ROBO2: variants seen among roughly 807,000 people sequenced by gnomAD.
ROBO2 encodes roundabout guidance receptor 2.
In ROBO2, 53 loss-of-function variants were observed where a neutral mutation model predicts 160.8. The ratio of observed to expected loss-of-function variants is 0.33; its 90% CI spans 0.26 to 0.41. The LOEUF is 0.41. Among genes scored for constraint, ROBO2 ranks in the 10% least tolerant of loss-of-function variants. The pLI is 1.00. For missense variants in ROBO2, 1,577 were observed against 1,722.4 expected, an observed-to-expected ratio of 0.92 and a Z score of 1.49; for synonymous variants, 664 against 611.7, an observed-to-expected ratio of 1.09 and a Z score of -1.26.
chr3:77,492,759 T>C (rs900562797), intron 4 of ROBO2, among the ~76,000 whole-genome samples: 16 of 152,324 alleles, frequency 1.1e-4, no homozygotes, highest in Middle Eastern at 3.4e-3. Context: ...TGGGAAAATC[T>C]AGGTAATACA....
chr3:77,244,894 A>G (rs1289203930), intron 2 of ROBO2, among the ~76,000 whole-genome samples: 1 of 150,968 alleles, frequency 6.6e-6, no homozygotes, highest in Non-Finnish European at 1.5e-5. Context: ...AAAAAAAAGA[A>G]AAAAAGAAAG....
chr3:77,248,148 G>T (rs1325168093), intron 2 of ROBO2, among the ~76,000 whole-genome samples: 1 of 152,120 alleles, frequency 6.6e-6, no homozygotes, highest in Non-Finnish European at 1.5e-5. Context: ...TCGGAGAGGA[G>T]TCCGGTGGGG....
At chr3:76,644,451 G>A (rs962592757) in intron 2 of ROBO2, among the ~76,000 whole-genome samples, 3 of 152,054 alleles carry the variant, frequency 2.0e-5, no homozygotes, top group African/African-American at 4.8e-5. Context: ...TCTATCTTGC[G>A]CTGGGCCCTC....
At chr3:77,634,904 T>C in exon 24 of ROBO2, 1 of 1,614,110 alleles carries the variant, frequency 6.2e-7, no homozygotes, top group Non-Finnish European at 8.5e-7. Flanking sequence ...GACCTCGACC[T>C]ACCAGCCCAT....
intron 2 of ROBO2, among the ~76,000 whole-genome samples, chr3:76,399,034 T>C (rs1345398561): frequency 6.6e-6 from 1 of 151,802 alleles, no homozygotes; most frequent in Non-Finnish European, 1.5e-5. Flanking sequence ...GTAGAGTGTT[T>C]TGTTTATATA....
intron 2 of ROBO2, among the ~76,000 whole-genome samples, chr3:76,079,659 G>A (rs1010376270): frequency 1.3e-5 from 2 of 151,688 alleles, no homozygotes; most frequent in African/African-American, 4.8e-5. Flanking sequence ...AATTTCTTTT[G>A]TATTTTAGTA....
intron 2 of ROBO2, among the ~76,000 whole-genome samples, chr3:77,398,177 C>G (rs2075456404): frequency 6.6e-6 from 1 of 152,002 alleles, no homozygotes; most frequent in African/African-American, 2.4e-5. Flanking sequence ...TTTAATTGAG[C>G]TTTAGACATC....
chr3:76,478,019 T>TTTATTATTA lies in ROBO2; in HGVS notation c.109+540434_109+540442dup, dbSNP rs147308707. 1.6e-3 allele frequency among the ~76,000 whole-genome samples: 241 copies of TTTATTATTA among 148,978 alleles called. 1 individual carries two copies. The highest frequency in any genetic ancestry group is 2.7e-3 in the Non-Finnish European group (182 of 67,296). ...CAATCAGATAAGTAGCCGCTACTTC[T>TTTATTATTA]TTATTATTATTATTATTATTATTAT... On this transcript the variant is annotated intron_variant, in intron 2 of 26. Coordinates refer to the ROBO2 transcript ENST00000487694.
chr3:76,166,352 CG>C (rs2072836911), intron 2 of ROBO2, among the ~76,000 whole-genome samples: 1 of 152,116 alleles, frequency 6.6e-6, no homozygotes, highest in Non-Finnish European at 1.5e-5. Context: ...TTTCTTGAAT[CG>C]TAGGCTTTAA....
intron 2 of ROBO2, among the ~76,000 whole-genome samples, chr3:76,342,541 G>A (rs2074291188): frequency 6.6e-6 from 1 of 152,040 alleles, no homozygotes. Context: ...GCTCTGGGAG[G>A]AAATCGGCTA....
intron 2 of ROBO2, among the ~76,000 whole-genome samples, chr3:76,587,831 C>T (rs1000246441): frequency 2.6e-5 from 4 of 152,176 alleles, no homozygotes; most frequent in Admixed American, 6.5e-5. Flanking sequence ...TACTCATTCT[C>T]CCTTTCCATC....
chr3:77,621,173 C>A (rs945463540), intron 22 of ROBO2, among the ~76,000 whole-genome samples: 1 of 152,128 alleles, frequency 6.6e-6, no homozygotes, highest in Non-Finnish European at 1.5e-5. Flanking sequence ...TGCCTGTAAT[C>A]CCAGCACTTT....
intron 2 of ROBO2, among the ~76,000 whole-genome samples, chr3:77,019,572 T>C (rs747724135): frequency 4.6e-5 from 7 of 152,044 alleles, no homozygotes; most frequent in Non-Finnish European, 7.4e-5. Context: ...GGGCCTTGAA[T>C]GGAATGAAAG....
intron 2 of ROBO2, among the ~76,000 whole-genome samples, chr3:77,431,297 G>C (rs1488797659): frequency 6.6e-6 from 1 of 152,120 alleles, no homozygotes; most frequent in South Asian, 2.1e-4. Flanking sequence ...AAGATTTCAG[G>C]AATGTGTCCT....
chr3:76,049,880 G>A (rs1047612158), intron 2 of ROBO2, among the ~76,000 whole-genome samples: 4 of 151,964 alleles, frequency 2.6e-5, no homozygotes, highest in East Asian at 1.9e-4. Context: ...GCCTCCTGCC[G>A]CAGTGTATTA....
Position 76,753,432 on chromosome 3 carries a change from A to C in ROBO2, c.110-344582A>C, listed in dbSNP as rs9848529. On this transcript the variant is annotated intron_variant, in intron 2 of 26. Transcript: ENST00000487694. ...GATTCAATAATGTATGAATCCAATA[A>C]AATTATACTTTTATTTCAAACTACA... 9.1e-3 allele frequency among the ~76,000 whole-genome samples: 1,389 copies of C among 151,928 alleles called. 17 individuals carry two copies. Among genetic ancestry groups the C allele is most frequent in the African/African-American group, 0.031 (1,275 of 41,502 alleles).
chr3:77,369,376 C>T (rs891968559), intron 2 of ROBO2, among the ~76,000 whole-genome samples: 2 of 152,138 alleles, frequency 1.3e-5, no homozygotes, highest in African/African-American at 4.8e-5. Context: ...AAAATGTGTA[C>T]AGGGTGCCCC....
At chr3:76,978,671 A>C (rs2059928653) in intron 2 of ROBO2, among the ~76,000 whole-genome samples, 1 of 152,096 alleles carries the variant, frequency 6.6e-6, no homozygotes, top group South Asian at 2.1e-4. Flanking sequence ...AGAGAAATAA[A>C]ATAGGTAACA....
At chr3:76,775,316 TTC>T (rs1314413911) in intron 2 of ROBO2, among the ~76,000 whole-genome samples, 1 of 150,714 alleles carries the variant, frequency 6.6e-6, no homozygotes, top group Admixed American at 6.6e-5. Flanking sequence ...TATTATTGAT[TTC>T]AAAACTCTTC....
Sources: gnomAD v4.1 joint callset for allele counts (sites outside exome capture counted in the v4.1 genomes callset) on GRCh38, gnomAD v4.1.1 for gene constraint, MANE v1.5 for transcripts, NCBI Gene and HGNC (gene_info 2026-07-23, HGNC 2026-07-21) for gene names.